The following MYO16 variants were observed in gnomAD, a reference collection of about 807,000 sequenced individuals.
The protein encoded by MYO16 is myosin XVI, also known as unconventional myosin-XVI.
A neutral mutation model predicts 205.3 loss-of-function variants in MYO16; 94 were observed. The ratio of observed to expected loss-of-function variants is 0.46; its 90% CI spans 0.39 to 0.54. The LOEUF (loss-of-function observed/expected upper bound fraction) is 0.54, where lower values mean the gene tolerates loss of function less well. Ranked by LOEUF, MYO16 falls within the 20% of genes least tolerant of loss-of-function variation. MYO16 has a pLI of 0.00. For missense variants in MYO16, 2,315 were observed against 2,387.5 expected, an observed-to-expected ratio of 0.97 and a Z score of 0.63; for synonymous variants, 988 against 954.0, an observed-to-expected ratio of 1.04 and a Z score of -0.66.
chr13:109,018,976 T>G (rs1338011733), intron 22 of MYO16, among the ~76,000 whole-genome samples: 54 of 147,336 alleles, frequency 3.7e-4, no homozygotes, highest in African/African-American at 7.2e-4. Context: ...TTTTTTTTGT[T>G]TTTTTTTTTT....
intron 21 of MYO16, among the ~76,000 whole-genome samples, chr13:109,001,276 G>T (rs1481949931): frequency 2.0e-5 from 3 of 152,072 alleles, no homozygotes; most frequent in Non-Finnish European, 4.4e-5. Context: ...CCTGGGCCAG[G>T]TGGTAGCTGT....
At chr13:109,117,436 A>ATATG (rs1455357353) in intron 28 of MYO16, among the ~76,000 whole-genome samples, 3 of 93,368 alleles carry the variant, frequency 3.2e-5, no homozygotes, top group African/African-American at 6.5e-5. Context: ...GTGTATATAT[A>ATATG]TGTATATATA....
At chr13:108,906,151 T>C (rs1880966362) in intron 15 of MYO16, among the ~76,000 whole-genome samples, 1 of 152,202 alleles carries the variant, frequency 6.6e-6, no homozygotes, top group Non-Finnish European at 1.5e-5. Flanking sequence ...CTGTTTTCTT[T>C]TTCTTTCACT....
intron 16 of MYO16, among the ~76,000 whole-genome samples, chr13:108,935,792 A>G (rs1018872536): frequency 4.7e-5 from 7 of 150,256 alleles, no homozygotes; most frequent in Admixed American, 2.0e-4. Flanking sequence ...TTTGAAGTGT[A>G]TTCCTTTGAT....
chr13:108,640,201 T>C (rs530586510), intron 1 of MYO16, among the ~76,000 whole-genome samples: 16 of 151,900 alleles, frequency 1.1e-4, no homozygotes, highest in Middle Eastern at 3.4e-3. Context: ...TGCAAAGGAG[T>C]TAAGATGTCT....
intron 1 of MYO16, among the ~76,000 whole-genome samples, chr13:108,661,051 T>C (rs978828716): frequency 2.0e-5 from 3 of 152,174 alleles, no homozygotes; most frequent in African/African-American, 7.2e-5. Context: ...ATGCTTGGTT[T>C]CTCTGGATAC....
intron 1 of MYO16, among the ~76,000 whole-genome samples, chr13:108,637,644 G>A (rs987113046): frequency 6.6e-6 from 1 of 152,122 alleles, no homozygotes. Context: ...GGAGGCCAAG[G>A]CGGGCAGATC....
intron 7 of MYO16, among the ~76,000 whole-genome samples, chr13:108,810,995 CTT>C (rs1887274379): frequency 6.6e-6 from 1 of 152,116 alleles, no homozygotes; most frequent in Middle Eastern, 3.2e-3. Context: ...AGCAATAAGT[CTT>C]TTGGTTTTAC....
the MYO16 span, among the ~76,000 whole-genome samples, chr13:108,525,061 G>A: frequency 6.6e-6 from 1 of 152,104 alleles, no homozygotes; most frequent in Non-Finnish European, 1.5e-5. Flanking sequence ...AGAGTGAAGT[G>A]TCTGGGAGTG....
chr13:108,980,274 T>G (rs1023213341), intron 20 of MYO16, among the ~76,000 whole-genome samples: 2 of 152,134 alleles, frequency 1.3e-5, no homozygotes, highest in African/African-American at 4.8e-5. Flanking sequence ...GAGCCAAGAG[T>G]GCAGAGGCTA....
chr13:108,814,768 A>G (rs1156786392), intron 7 of MYO16, among the ~76,000 whole-genome samples: 3 of 152,322 alleles, frequency 2.0e-5, no homozygotes, highest in Non-Finnish European at 4.4e-5. Context: ...AATTATTTTT[A>G]TAGTGAGAAC....
the MYO16 span, among the ~76,000 whole-genome samples, chr13:108,534,059 C>T: frequency 2.0e-5 from 3 of 152,112 alleles, no homozygotes; most frequent in African/African-American, 4.8e-5. Flanking sequence ...AATCATTACG[C>T]AAGAATTGAA....
At chr13:108,990,044 C>T (rs1468799903) in intron 20 of MYO16, among the ~76,000 whole-genome samples, 1 of 151,756 alleles carries the variant, frequency 6.6e-6, no homozygotes, top group East Asian at 1.9e-4. Context: ...TTAACCAACC[C>T]AAAAGTATTT....
chr13:108,645,480 G>A (rs137949630), intron 1 of MYO16, among the ~76,000 whole-genome samples: 1 of 152,096 alleles, frequency 6.6e-6, no homozygotes, highest in South Asian at 2.1e-4. Context: ...AACATTCAGA[G>A]AACTCAAACT....
At chr13:108,801,597 TA>T (rs1886970709) in intron 6 of MYO16, among the ~76,000 whole-genome samples, 1 of 152,206 alleles carries the variant, frequency 6.6e-6, no homozygotes, top group Non-Finnish European at 1.5e-5. Context: ...TATGCTTTCC[TA>T]AAAATCTAGG....
chr13:109,022,357 T>G lies in MYO16; in HGVS notation c.2796+2446T>G, dbSNP rs1336784176. 6.5e-5 allele frequency among the ~76,000 whole-genome samples: 6 copies of G among 91,920 alleles called. No homozygotes were observed. The Admixed American group carries it at 7.5e-4, about 11-fold the overall frequency. The allele number at this position is 91,920 out of a possible 152,430, so 60.3% of individuals were successfully genotyped here. A position where few individuals can be genotyped will look rare whatever the true frequency, so the allele number is the denominator to read the frequency against. The stretch of plus-strand genomic sequence containing the variant: ...TTTATATATTATATACAAATATATA[T>G]GTATATATGTATGTATTATATATAC... On this transcript the variant is annotated intron_variant, in intron 23 of 34. Coordinates refer to ENST00000457511, the MANE Select transcript of MYO16 (RefSeq NM_001198950.3).
chr13:108,711,696 G>A (rs1883729416), intron 2 of MYO16, among the ~76,000 whole-genome samples: 2 of 152,202 alleles, frequency 1.3e-5, no homozygotes, highest in South Asian at 4.1e-4. Flanking sequence ...AAGAATTGGA[G>A]TGCCATAGGA....
At chr13:109,014,305 G>A (rs1169183446) in intron 22 of MYO16, among the ~76,000 whole-genome samples, 2 of 152,104 alleles carry the variant, frequency 1.3e-5, no homozygotes, top group Non-Finnish European at 2.9e-5. Context: ...CTGAGCCTCT[G>A]TTCTGTTCCA....
rs115901170 is a variant in MYO16 at position 108,933,517 on chromosome 13, G to A, written c.1925+23367G>A. Among the ~76,000 whole-genome samples, 293 of 151,712 alleles carry A rather than the reference G, an allele frequency of 1.9e-3. 3 individuals are homozygous for A. The highest frequency in any genetic ancestry group is 6.9e-3 in the African/African-American group (283 of 41,178). ...TTTGGATGTGTGTGTGTGTGTGTGT[G>A]TATGTGTGTGTGTATGAGATTAAAA... On this transcript the variant is annotated intron_variant, in intron 16 of 34. Coordinates refer to ENST00000457511, the MANE Select transcript of MYO16 (RefSeq NM_001198950.3).
Sources: gnomAD v4.1 joint callset for allele counts (sites outside exome capture counted in the v4.1 genomes callset) on GRCh38, gnomAD v4.1.1 for gene constraint, MANE v1.5 for transcripts, NCBI Gene and HGNC (gene_info 2026-07-23, HGNC 2026-07-21) for gene names.